NCOA2: variants seen among roughly 807,000 people sequenced by gnomAD.
NCOA2 encodes class E basic helix-loop-helix protein 75.
In NCOA2, 21 loss-of-function variants were observed where a neutral mutation model predicts 145.1. The observed-to-expected ratio is 0.14, with a 90% CI of 0.10 to 0.21. The LOEUF (loss-of-function observed/expected upper bound fraction) is 0.21. NCOA2 is among the 10% of genes least tolerant of loss of function. NCOA2 has a pLI of 1.00. For missense variants in NCOA2, 1,472 were observed against 1,837.6 expected (o/e 0.80, Z 3.64); for synonymous variants, 619 against 637.5 (o/e 0.97, Z 0.44).
intron 4 of NCOA2, among the ~76,000 whole-genome samples, chr8:70,206,199 A>G (rs1417944734): frequency 6.6e-6 from 1 of 152,222 alleles, no homozygotes; most frequent in African/African-American, 2.4e-5. Flanking sequence ...AAGGAACTAT[A>G]AACTAAGATA....
chr8:70,437,444 A>G, the NCOA2 span, among the ~76,000 whole-genome samples: 2 of 152,256 alleles, frequency 1.3e-5, no homozygotes. Flanking sequence ...TTGAATGAAT[A>G]CATGAATTAA....
At chr8:70,155,291 A>T (rs974682751) in intron 11 of NCOA2, among the ~76,000 whole-genome samples, 2 of 152,200 alleles carry the variant, frequency 1.3e-5, no homozygotes, top group Non-Finnish European at 2.9e-5. Flanking sequence ...TGCATTAATC[A>T]GAAGTTTAGT....
At chr8:70,326,155 T>C (rs1205399778) in intron 1 of NCOA2, among the ~76,000 whole-genome samples, 2 of 152,186 alleles carry the variant, frequency 1.3e-5, no homozygotes, top group African/African-American at 4.8e-5. Context: ...TTAATACTAT[T>C]TTCAAAGTAG....
At chr8:70,403,059 T>TCGCC (rs1313431844) in intron 1 of NCOA2, among the ~76,000 whole-genome samples, 1 of 137,458 alleles carries the variant, frequency 7.3e-6, no homozygotes, top group Non-Finnish European at 1.6e-5. Context: ...GCGCTGCAGC[T>TCGCC]CGCCGGCCGC....
chr8:70,224,306 C>A (rs143894924), intron 2 of NCOA2, among the ~76,000 whole-genome samples: 467 of 152,278 alleles, frequency 3.1e-3, no homozygotes, highest in Non-Finnish European at 5.6e-3. Flanking sequence ...ACAGTAAAAG[C>A]CTTTTCTTCT....
At chr8:70,294,347 C>T (rs529972388) in intron 2 of NCOA2, among the ~76,000 whole-genome samples, 40 of 152,218 alleles carry the variant, frequency 2.6e-4, no homozygotes, top group African/African-American at 9.4e-4. Flanking sequence ...CACTTACAAT[C>T]TAAAATTTCT....
intron 22 of NCOA2, 141 bp from the exon 23 acceptor site, chr8:70,113,784 C>T (rs1020049851): frequency 1.4e-5 from 11 of 808,208 alleles, no homozygotes; most frequent in Middle Eastern, 4.5e-4. Flanking sequence ...TGAGTACATT[C>T]GATGTGGAGG....
At position 70,296,768 on chromosome 8, in the gene NCOA2, A is replaced by T. The variant is rs1347872390; in HGVS notation, c.-44T>A. 1 of 152,224 alleles carries T rather than the reference A, an allele frequency of 6.6e-6. No homozygotes were observed. The highest frequency in any genetic ancestry group is 2.4e-5 in the African/African-American group (1 of 41,466). The allele number at this position is 152,224 out of a possible 1,614,324, so 9.4% of individuals were successfully genotyped here. On this transcript the variant is annotated 5_prime_UTR_variant, in exon 2 of 23. Coordinates refer to ENST00000452400, the MANE Select transcript of NCOA2 (RefSeq NM_006540.4). ...CCTGTGCCTGTAAACAGTGCAGAAGATCTATAAGTGTGTAGCCAAATCCAA... is the reference window on the plus strand; with the variant it reads ...CCTGTGCCTGTAAACAGTGCAGAAGTTCTATAAGTGTGTAGCCAAATCCAA...
the NCOA2 span, among the ~76,000 whole-genome samples, chr8:70,434,133 C>T: frequency 2.6e-5 from 4 of 152,096 alleles, no homozygotes; most frequent in Admixed American, 6.5e-5. Flanking sequence ...ACTCAGAGGT[C>T]AAGGAGGAGC....
chr8:70,284,675 C>CGT (rs1157265309), intron 2 of NCOA2, among the ~76,000 whole-genome samples: 1 of 151,878 alleles, frequency 6.6e-6, no homozygotes, highest in Admixed American at 6.6e-5. Context: ...TGAGGGAGAA[C>CGT]GTGTGTGTGT....
intron 1 of NCOA2, among the ~76,000 whole-genome samples, chr8:70,397,517 T>C (rs1297595956): frequency 1.4e-5 from 2 of 147,478 alleles, no homozygotes; most frequent in East Asian, 2.0e-4. Flanking sequence ...CTGACAACCA[T>C]AGCAGAATAC....
chr8:70,156,696 G>C lies in NCOA2; in HGVS notation c.1669C>G (p.Leu557Val), dbSNP rs775373457. The C allele has an allele frequency of 1.2e-6, 2 of 1,613,968 alleles. No individual in the cohort carries two copies. The highest frequency in any genetic ancestry group is 3.3e-5 in the Admixed American group (2 of 60,024). ...GAGTTTTGCAAATTGCCCATTTTTA[G>C]GTCTGGTGAAGCCAACGATGACCCT... ...SLGSSLASPD[L>V]KMGNLQNSPV... Residue 557 changes from leucine (L) to valine (V), a missense_variant, in exon 11 of 23, where the codon CTA (leucine) becomes GTA (valine). Coordinates refer to ENST00000452400, the MANE Select transcript of NCOA2 (RefSeq NM_006540.4).
At chr8:70,402,511 G>A (rs985548685) in intron 1 of NCOA2, 1 of 152,410 alleles carries the variant, frequency 6.6e-6, no homozygotes, top group African/African-American at 2.4e-5. Flanking sequence ...CCCCGGTCTC[G>A]GAAGAGGCGC....
intron 4 of NCOA2, among the ~76,000 whole-genome samples, chr8:70,189,913 T>G (rs573262506): frequency 2.6e-4 from 39 of 152,330 alleles, no homozygotes; most frequent in African/African-American, 8.9e-4. Context: ...GGAAACAGCA[T>G]TGATCTGGAT....
the NCOA2 span, among the ~76,000 whole-genome samples, chr8:70,424,795 C>A: frequency 8.2e-3 from 1,249 of 152,320 alleles, 15 homozygotes; most frequent in African/African-American, 0.029. Context: ...ATGTGAATTT[C>A]ATGTAATATT....
chr8:70,386,551 AAGAGT>A (rs1333075134), intron 1 of NCOA2, among the ~76,000 whole-genome samples: 3 of 151,734 alleles, frequency 2.0e-5, no homozygotes, highest in African/African-American at 7.3e-5. Flanking sequence ...TCATTTAATC[AAGAGT>A]TCTACACACT....
intron 1 of NCOA2, among the ~76,000 whole-genome samples, chr8:70,383,811 T>C (rs1396431926): frequency 6.6e-6 from 1 of 152,096 alleles, no homozygotes; most frequent in Non-Finnish European, 1.5e-5. Context: ...GGCCTAGAAA[T>C]TTTCTTTATT....
At chr8:70,434,400 T>C in the NCOA2 span, among the ~76,000 whole-genome samples, 50 of 152,354 alleles carry the variant, frequency 3.3e-4, no homozygotes, top group Admixed American at 9.8e-4. Flanking sequence ...TACATCATTA[T>C]GGAGCTAGCT....
intron 1 of NCOA2, among the ~76,000 whole-genome samples, chr8:70,402,941 G>A (rs1252519763): frequency 1.2e-5 from 1 of 86,646 alleles, no homozygotes; most frequent in Middle Eastern, 7.1e-3. Context: ...CCCGCCCGCC[G>A]CAGCTCCTTC....
Sources: gnomAD v4.1 joint callset for allele counts (sites outside exome capture counted in the v4.1 genomes callset) on GRCh38, gnomAD v4.1.1 for gene constraint, MANE v1.5 for transcripts, NCBI Gene and HGNC (gene_info 2026-07-23, HGNC 2026-07-21) for gene names.